TAFA2: variants seen among roughly 807,000 people sequenced by gnomAD.
TAFA2 encodes the protein TAFA chemokine like family member 2.
Under a neutral mutation model 18.8 loss-of-function variants are expected in TAFA2, and 7 were observed. The ratio of observed to expected loss-of-function variants is 0.37; its 90% CI spans 0.21 to 0.70. The LOEUF (loss-of-function observed/expected upper bound fraction) is 0.70. TAFA2 is among the 30% of genes least tolerant of loss of function. TAFA2 has a pLI of 0.53. For synonymous variants in TAFA2, 60 were observed against 54.2 expected, an observed-to-expected ratio of 1.11 and a Z score of -0.47; for missense variants, 122 against 158.1, an observed-to-expected ratio of 0.77 and a Z score of 1.23.
chr12:62,076,611 AC>A (rs1187369597), intron 1 of TAFA2, among the ~76,000 whole-genome samples: 5 of 151,924 alleles, frequency 3.3e-5, no homozygotes, highest in African/African-American at 1.2e-4. Context: ...GTGGCCAAGA[AC>A]CTTCCAGGAG....
chr12:62,006,604 G>A (rs11174278), intron 1 of TAFA2, among the ~76,000 whole-genome samples: 1 of 152,130 alleles, frequency 6.6e-6, no homozygotes, highest in Non-Finnish European at 1.5e-5. Context: ...CTACAACTAG[G>A]AAGAGAAAAG....
intron 1 of TAFA2, among the ~76,000 whole-genome samples, chr12:61,917,608 C>T (rs183494171): frequency 4.5e-4 from 69 of 152,192 alleles, no homozygotes; most frequent in Non-Finnish European, 5.6e-4. Flanking sequence ...GCTTGGCAGG[C>T]GGATATTGAA....
rs148291987 is a variant in TAFA2, at chr12:62,200,115, C to T, written c.-130+58648G>A. On this transcript the variant is annotated intron_variant, in intron 1 of 5. Transcript: ENST00000551619. ...TTTTAATAGGGTTGTTTGTTTTCTTCTTGTAAATTTGTTTAAGTTCCTTGT... is the reference window on the plus strand; with the variant it reads ...TTTTAATAGGGTTGTTTGTTTTCTTTTTGTAAATTTGTTTAAGTTCCTTGT... 3.1e-3 allele frequency among the ~76,000 whole-genome samples: 470 copies of T among 152,172 alleles called. 1 individual carries two copies. Among genetic ancestry groups the T allele is most frequent in the African/African-American group, 0.011 (444 of 41,528 alleles).
Position 62,113,093 on chromosome 12 carries a change from G to C in TAFA2, c.-2+78166C>G, listed in dbSNP as rs141767620. Among the ~76,000 whole-genome samples, 287 of 152,178 alleles carry C rather than the reference G, an allele frequency of 1.9e-3. 6 individuals are homozygous for C. Among genetic ancestry groups the C allele is most frequent in the African/African-American group, 6.7e-3 (280 of 41,534 alleles). On this transcript the variant is annotated intron_variant, in intron 1 of 4. Coordinates refer to ENST00000416284, the MANE Select transcript of TAFA2 (RefSeq NM_178539.5). ...TTTTTGGAATTTTCAGGCTTTTTGG[G>C]CTGGTTTTTCCTCATCTTGGTGAAT...
chr12:62,234,339 G>T (rs1312308734), intron 1 of TAFA2: 1 of 542,798 alleles, frequency 1.8e-6, no homozygotes, highest in Non-Finnish European at 3.5e-6. Context: ...CCTCTGAGCA[G>T]TTGCCAGGTC....
At chr12:62,125,861 GATA>G (rs1870435372) in intron 1 of TAFA2, among the ~76,000 whole-genome samples, 1 of 152,084 alleles carries the variant, frequency 6.6e-6, no homozygotes, top group Non-Finnish European at 1.5e-5. Context: ...ACCACTAGCA[GATA>G]ATAATAGTAC....
At chr12:61,735,604 C>A (rs1868291479) in intron 4 of TAFA2, among the ~76,000 whole-genome samples, 1 of 151,816 alleles carries the variant, frequency 6.6e-6, no homozygotes, top group Non-Finnish European at 1.5e-5. Context: ...TATTGAGTAA[C>A]TTCTATTTAT....
chr12:61,798,194 G>T (rs1418518002), intron 2 of TAFA2, among the ~76,000 whole-genome samples: 1 of 151,762 alleles, frequency 6.6e-6, no homozygotes, highest in African/African-American at 2.4e-5. Flanking sequence ...CTATTAATTT[G>T]CTATTAAATT....
At chr12:61,859,083 G>A (rs1242668593) in intron 2 of TAFA2, among the ~76,000 whole-genome samples, 1 of 152,162 alleles carries the variant, frequency 6.6e-6, no homozygotes, top group African/African-American at 2.4e-5. Context: ...CCCAAGACTG[G>A]GTAATTTATA....
chr12:61,774,508 T>C (rs1565629505), intron 2 of TAFA2, among the ~76,000 whole-genome samples: 1 of 151,846 alleles, frequency 6.6e-6, no homozygotes, highest in African/African-American at 2.4e-5. Context: ...ATGAAATGAT[T>C]ACATTCACAG....
chr12:61,991,265 T>C (rs890422464), intron 1 of TAFA2, among the ~76,000 whole-genome samples: 2 of 152,210 alleles, frequency 1.3e-5, no homozygotes, highest in Non-Finnish European at 2.9e-5. Context: ...ATAAAGTAAG[T>C]GTTATACGGT....
At chr12:61,823,479 G>C (rs1379052245) in intron 2 of TAFA2, among the ~76,000 whole-genome samples, 1 of 152,036 alleles carries the variant, frequency 6.6e-6, no homozygotes, top group African/African-American at 2.4e-5. Flanking sequence ...AAGAGCTCAG[G>C]GTCTCCAGGT....
intron 1 of TAFA2, among the ~76,000 whole-genome samples, chr12:62,202,973 C>CA: frequency 6.6e-6 from 1 of 151,894 alleles, no homozygotes; most frequent in Non-Finnish European, 1.5e-5. Context: ...ACTAAAGGCA[C>CA]ATGCCAACAT....
At chr12:61,934,769 C>G (rs1219635425) in intron 1 of TAFA2, among the ~76,000 whole-genome samples, 1 of 152,140 alleles carries the variant, frequency 6.6e-6, no homozygotes, top group Non-Finnish European at 1.5e-5. Flanking sequence ...CTGTCTCTCT[C>G]TATGTTTATC....
At chr12:62,104,969 A>G (rs73315625) in intron 1 of TAFA2, 2,556 of 201,836 alleles carry the variant, frequency 0.013, 80 homozygotes, top group African/African-American at 0.058. Context: ...AGTTTTCAAA[A>G]GGATTTACAT....
chr12:62,051,072 C>T (rs1266065416), intron 1 of TAFA2, among the ~76,000 whole-genome samples: 2 of 152,168 alleles, frequency 1.3e-5, no homozygotes, highest in Admixed American at 1.3e-4. Context: ...TTAACAGCAT[C>T]CTTAGTGTTG....
At chr12:61,912,386 C>T (rs1399713944) in intron 1 of TAFA2, among the ~76,000 whole-genome samples, 5 of 152,060 alleles carry the variant, frequency 3.3e-5, no homozygotes, top group Non-Finnish European at 7.4e-5. Flanking sequence ...GGAGATATAT[C>T]GAGTGAAATA....
chr12:62,142,536 T>C (rs527349720), intron 1 of TAFA2, among the ~76,000 whole-genome samples: 9 of 152,188 alleles, frequency 5.9e-5, no homozygotes, highest in Admixed American at 1.3e-4. Context: ...TGACAATTCA[T>C]AGTGTCTTCC....
chr12:62,248,939 T>C (rs1266536437), intron 1 of TAFA2, among the ~76,000 whole-genome samples: 2 of 152,088 alleles, frequency 1.3e-5, no homozygotes, highest in Non-Finnish European at 2.9e-5. Context: ...CAATCATCAT[T>C]TGAGAAAATG....
Sources: gnomAD v4.1 joint callset for allele counts (sites outside exome capture counted in the v4.1 genomes callset) on GRCh38, gnomAD v4.1.1 for gene constraint, MANE v1.5 for transcripts, NCBI Gene and HGNC (gene_info 2026-07-23, HGNC 2026-07-21) for gene names.